OGDH: variants seen among roughly 807,000 people sequenced by gnomAD.
The protein encoded by OGDH is oxoglutarate dehydrogenase.
Under a neutral mutation model 116.6 loss-of-function variants are expected in OGDH, and 38 were observed. That is an observed-to-expected ratio of 0.33 (90% CI 0.25 to 0.43). The LOEUF (loss-of-function observed/expected upper bound fraction) is 0.43, where lower values mean the gene tolerates loss of function less well. Ranked by LOEUF, OGDH falls within the 20% of genes least tolerant of loss-of-function variation. OGDH has a pLI of 1.00. For missense variants in OGDH, 825 were observed against 1,357.2 expected (o/e 0.61, Z 6.16); for synonymous variants, 488 against 533.3 (o/e 0.92, Z 1.17).
intron 1 of OGDH, among the ~76,000 whole-genome samples, chr7:44,607,324 A>G (rs573440893): frequency 7.9e-5 from 12 of 152,344 alleles, no homozygotes; most frequent in South Asian, 2.1e-4. Context: ...CCTCGAAAAT[A>G]TATCAGACAT....
intron 2 of OGDH, among the ~76,000 whole-genome samples, chr7:44,625,026 C>T (rs560025418): frequency 2.6e-5 from 4 of 152,250 alleles, no homozygotes; most frequent in South Asian, 2.1e-4. Context: ...CTGTTTGTTT[C>T]TAACTTCTCT....
At chr7:44,665,285 TAAAAAA>T (rs61608424) in intron 4 of OGDH, among the ~76,000 whole-genome samples, 1 of 91,982 alleles carries the variant, frequency 1.1e-5, no homozygotes, top group Non-Finnish European at 2.3e-5. Context: ...CCCTCCAGGT[TAAAAAA>T]AAAAAAAAAA....
intron 2 of OGDH, among the ~76,000 whole-genome samples, chr7:44,635,214 G>T (rs1785610504): frequency 6.6e-6 from 1 of 152,200 alleles, no homozygotes; most frequent in South Asian, 2.1e-4. Flanking sequence ...CTTTTTATCA[G>T]CTTGGCTGGA....
chr7:44,638,094 C>T (rs1785755256), intron 2 of OGDH, among the ~76,000 whole-genome samples: 1 of 152,182 alleles, frequency 6.6e-6, no homozygotes, highest in Middle Eastern at 3.2e-3. Flanking sequence ...TTATCAGTGA[C>T]ATTGTCATTG....
Position 44,647,680 on chromosome 7 carries a change from G to A in OGDH, c.438G>A (p.Gln146=). Residue 146 remains glutamine (Q), a synonymous_variant, in exon 4 of 23, where the codon CAG becomes CAA. Coordinates refer to ENST00000222673, the MANE Select transcript of OGDH (RefSeq NM_002541.4). ...AGATACGAGGGCACCATGTAGCACA[G>A]CTGGACCCCCTGGGGATTTTGGATG... ...AYQIRGHHVA[Q]LDPLGILDAD... is the part of the protein sequence containing the mutation. The A allele has an allele frequency of 6.2e-7, 1 of 1,613,842 alleles. No individual in the cohort carries two copies. The highest frequency in any genetic ancestry group is 8.5e-7 in the Non-Finnish European group (1 of 1,179,972).
At chr7:44,625,240 T>C (rs1161507775) in intron 2 of OGDH, among the ~76,000 whole-genome samples, 1 of 152,170 alleles carries the variant, frequency 6.6e-6, no homozygotes, top group Non-Finnish European at 1.5e-5. Flanking sequence ...TTCTTATGCC[T>C]CAGCCTCCCG....
At position 44,656,935 on chromosome 7, in the gene OGDH, G is replaced by C. The variant is rs1786717587; in HGVS notation, c.517+9176G>C. Among the ~76,000 whole-genome samples, 4 of 152,312 alleles carry C rather than the reference G, an allele frequency of 2.6e-5. No individual in the cohort carries two copies. The South Asian group carries it at 8.3e-4, about 32-fold the overall frequency. ...CGAAATGCTGGGGGATCATCAGCCT[G>C]TTGTCATCCACCCTGGTGGCCAGTC... On this transcript the variant is annotated intron_variant, in intron 4 of 22. Transcript: ENST00000222673.
At chr7:44,641,520 C>T (rs2115729857) in intron 2 of OGDH, among the ~76,000 whole-genome samples, 1 of 152,292 alleles carries the variant, frequency 6.6e-6, no homozygotes, top group South Asian at 2.1e-4. Flanking sequence ...GCCACTGCGC[C>T]TGGCCTGATT....
At chr7:44,686,163 T>C (rs143380576) in intron 10 of OGDH, among the ~76,000 whole-genome samples, 237 of 152,304 alleles carry the variant, frequency 1.6e-3, no homozygotes, top group African/African-American at 5.2e-3. Flanking sequence ...TTTTTTCTTA[T>C]TGCACTGGCT....
chr7:44,707,509 C>A lies in OGDH; in HGVS notation c.2797-73C>A, dbSNP rs1404352485. The A allele has an allele frequency of 1.9e-6, 3 of 1,600,308 alleles. No individual in the cohort carries two copies. The Admixed American group carries it at 5.1e-5, about 27-fold the overall frequency. ...TTCCTGACCTTCCCTGCTCGGAACA[C>A]CAGTTTCCCTTTGCTGGATCTTGCC... is the stretch of plus-strand genomic sequence containing the variant. On this transcript the variant is annotated intron_variant, in intron 21 of 22. Transcript: ENST00000222673. The surrounding 1 kb of genome is among the most constrained non-coding windows in gnomAD (Gnocchi z 5.2).
intron 1 of OGDH, among the ~76,000 whole-genome samples, chr7:44,614,251 G>C (rs191871811): frequency 8.9e-5 from 11 of 123,396 alleles, no homozygotes; most frequent in Non-Finnish European, 1.7e-4. Flanking sequence ...TTTTTTTCTT[G>C]TGTATAATGC....
chr7:44,696,622 G>A (rs1788592631), intron 14 of OGDH, 65 bp downstream of exon 14: 19 of 1,596,196 alleles, frequency 1.2e-5, no homozygotes, highest in Non-Finnish European at 1.6e-5. Flanking sequence ...GACTGTCTAG[G>A]ACTGTGACCT....
rs1434182885 is a variant in OGDH, at chr7:44,643,096, A to C, written c.223-2231A>C. Among the ~76,000 whole-genome samples, 4 of 88,134 alleles carry C rather than the reference A, an allele frequency of 4.5e-5. No homozygotes were observed. In the African/African-American group the frequency reaches 4.9e-4, roughly 11 times the overall value. 57.8% of individuals were successfully genotyped at this position (88,134 alleles called of 152,430 possible). Reference sequence around the variant, plus strand: ...AACAGAGCAAGACCCTGTTTCTTTAAAAAAAAAAAAAAAAAAAAAAAGTCA... The same window carrying C: ...AACAGAGCAAGACCCTGTTTCTTTACAAAAAAAAAAAAAAAAAAAAAGTCA... On this transcript the variant is annotated intron_variant, in intron 2 of 22. Coordinates refer to ENST00000222673, the MANE Select transcript of OGDH (RefSeq NM_002541.4).
intron 5 of OGDH, among the ~76,000 whole-genome samples, chr7:44,669,542 G>T (rs1160754461): frequency 6.6e-6 from 1 of 151,912 alleles, no homozygotes; most frequent in African/African-American, 2.4e-5. Flanking sequence ...CCTCTCAGGG[G>T]CCTGTTCAGG....
chr7:44,610,374 A>G (rs1363747998), intron 1 of OGDH, among the ~76,000 whole-genome samples: 2 of 151,608 alleles, frequency 1.3e-5, no homozygotes, highest in Non-Finnish European at 2.9e-5. Flanking sequence ...GCAGTGGCGT[A>G]ATCTCTACAA....
At chr7:44,619,308 G>T (rs367737845) in intron 1 of OGDH, among the ~76,000 whole-genome samples, 3 of 152,164 alleles carry the variant, frequency 2.0e-5, no homozygotes, top group South Asian at 2.1e-4. Flanking sequence ...GGGGGCTTGC[G>T]ATTGACATCG....
chr7:44,668,499 C>A (rs1176147612), intron 5 of OGDH, among the ~76,000 whole-genome samples: 2 of 152,128 alleles, frequency 1.3e-5, no homozygotes, highest in African/African-American at 4.8e-5. Flanking sequence ...TGATGAGCAT[C>A]CTGAAGTATT....
intron 9 of OGDH, among the ~76,000 whole-genome samples, chr7:44,680,668 A>T (rs1018881806): frequency 2.6e-5 from 4 of 152,168 alleles, no homozygotes; most frequent in African/African-American, 7.2e-5. Flanking sequence ...CCTGGCAGTG[A>T]TGAGCACACA....
chr7:44,616,817 G>GTGTA (rs1554296549), intron 1 of OGDH, among the ~76,000 whole-genome samples: 1 of 100,766 alleles, frequency 9.9e-6, no homozygotes, highest in African/African-American at 4.8e-5. Flanking sequence ...GCATATATAC[G>GTGTA]TATATATGTG....
Sources: allele counts gnomAD v4.1 joint callset (sites outside exome capture counted in the v4.1 genomes callset), GRCh38; gene constraint gnomAD v4.1.1; non-coding constraint Gnocchi (gnomAD v3.1); transcripts MANE v1.5; gene names NCBI Gene and HGNC (gene_info 2026-07-23, HGNC 2026-07-21).